The following KCNQ2 variants were observed in gnomAD, a reference collection of about 807,000 sequenced individuals.
The protein encoded by KCNQ2 is potassium voltage-gated channel subfamily KQT member 2.
In KCNQ2, 14 loss-of-function variants were observed where a neutral mutation model predicts 84.8. The ratio of observed to expected loss-of-function variants is 0.17; its 90% CI spans 0.11 to 0.26. The LOEUF is 0.26. Ranked by LOEUF, KCNQ2 falls within the 10% of genes least tolerant of loss-of-function variation. The pLI is 1.00. For missense variants in KCNQ2, 788 were observed against 1,254.0 expected (o/e 0.63, Z 5.61); for synonymous variants, 599 against 554.1 (o/e 1.08, Z -1.14).
Position 63,452,382 on chromosome 20 carries a change from T to C in KCNQ2, c.297-5545A>G, listed in dbSNP as rs148624011. 1.5e-3 allele frequency among the ~76,000 whole-genome samples: 233 copies of C among 152,326 alleles called. 1 individual carries two copies. Among genetic ancestry groups the C allele is most frequent in the African/African-American group, 5.3e-3 (220 of 41,564 alleles). On this transcript the variant is annotated intron_variant, in intron 1 of 16. Transcript: ENST00000359125. Reference sequence around the variant, plus strand: ...TTGCGGTCTTGAGGAAAATCCTTTTTCTTCCGGAAACCTCAGTCTTTGCTC... The same window carrying C: ...TTGCGGTCTTGAGGAAAATCCTTTTCCTTCCGGAAACCTCAGTCTTTGCTC...
At chr20:63,440,636 A>G (rs1439513689) in intron 5 of KCNQ2, among the ~76,000 whole-genome samples, 1 of 151,874 alleles carries the variant, frequency 6.6e-6, no homozygotes, top group Non-Finnish European at 1.5e-5. Context: ...GGAAGGGGAG[A>G]CCTCTCACCA....
chr20:63,471,748 TC>T (rs923172445), intron 1 of KCNQ2: 18 of 147,262 alleles, frequency 1.2e-4, no homozygotes, highest in African/African-American at 3.7e-4. Flanking sequence ...GCCAGACCCC[TC>T]CCCCCCGCCC....
intron 15 of KCNQ2, among the ~76,000 whole-genome samples, chr20:63,412,938 G>T (rs2080165570): frequency 6.6e-6 from 1 of 152,218 alleles, no homozygotes; most frequent in South Asian, 2.1e-4. Context: ...CCTATGCCAA[G>T]GAGGGCAGGT....
chr20:63,428,505 G>T, intron 9 of KCNQ2, 70 bp from the exon 10 acceptor site: 26 of 1,335,280 alleles, frequency 1.9e-5, no homozygotes, highest in Non-Finnish European at 2.7e-5. Flanking sequence ...CCCTCTGCTT[G>T]CACAGCTCCA....
rs1371044575 is a variant in KCNQ2 at position 63,425,105 on chromosome 20, T to C, written c.1218-899A>G. 6.6e-6 allele frequency among the ~76,000 whole-genome samples: 1 copy of C among 152,164 alleles called. No individual in the cohort carries two copies. Among genetic ancestry groups the C allele is most frequent in the South Asian group, 2.1e-4 (1 of 4,830 alleles). On this transcript the variant is annotated intron_variant, in intron 10 of 16. Transcript: ENST00000359125. The surrounding 1 kb of genome is among the most constrained non-coding windows in gnomAD (Gnocchi z 5.5). ...GTCTCTACACGACATTCTCTGTGTC[T>C]CTGTGTCTTCTCCTCCTCTACCTCT...
intron 8 of KCNQ2, among the ~76,000 whole-genome samples, chr20:63,432,790 T>A (rs1234715911): frequency 1.9e-3 from 136 of 72,952 alleles, no homozygotes; most frequent in Admixed American, 5.0e-3. Context: ...GGCCCCACCC[T>A]CAGGGAAGGC....
rs1039976239 is a variant in KCNQ2 at position 63,457,461 on chromosome 20, G to A, written c.297-10624C>T. 6.0e-4 allele frequency among the ~76,000 whole-genome samples: 92 copies of A among 152,210 alleles called. 1 individual carries two copies. Among genetic ancestry groups the A allele is most frequent in the African/African-American group, 1.9e-3 (80 of 41,448 alleles). On this transcript the variant is annotated intron_variant, in intron 1 of 16. Transcript: ENST00000359125. ...GCCCAGCTGCTAGCCTGATGCTCAC[G>A]GCCTCCAAACGGCCTGGGCCTGCCT...
chr20:63,432,422 CCCCACCCTCAGGGAAGGA>C (rs2080840656), intron 8 of KCNQ2, among the ~76,000 whole-genome samples: 1 of 144,134 alleles, frequency 6.9e-6, no homozygotes, highest in Admixed American at 6.9e-5. Context: ...TCAGGGAAGG[CCCCACCCTCAGGGAAGGA>C]TCCACCCACA....
rs749122254 is a variant in KCNQ2, at chr20:63,433,883, G to A, written c.1044C>T (p.Ala348=). The A allele has an allele frequency of 1.3e-5, 21 of 1,613,758 alleles. No homozygotes were observed. In the South Asian group the frequency reaches 2.0e-4, roughly 15 times the overall value. ...GLIQSAWRFY[A]TNLSRTDLHS... ...GCAGGTCTGTGCGCGAGAGGTTGGT[G>A]GCGTAGAATCTCCAGGCCGACTGCG... Residue 348 remains alanine, a synonymous_variant, in exon 8 of 17, where the codon GCC becomes GCT. Transcript: ENST00000359125.
intron 1 of KCNQ2, among the ~76,000 whole-genome samples, chr20:63,449,991 CA>C (rs1005369981): frequency 6.6e-6 from 1 of 152,108 alleles, no homozygotes; most frequent in African/African-American, 2.4e-5. Context: ...CCAGCACCCA[CA>C]CCCAGCACAC....
chr20:63,418,794 T>C (rs993570816), intron 12 of KCNQ2, among the ~76,000 whole-genome samples: 35 of 151,968 alleles, frequency 2.3e-4, no homozygotes, highest in Non-Finnish European at 4.1e-4. Context: ...AGGGAGAGGG[T>C]GGCATGGAGT....
At chr20:63,470,235 G>A (rs535942514) in intron 1 of KCNQ2, among the ~76,000 whole-genome samples, 15 of 145,138 alleles carry the variant, frequency 1.0e-4, no homozygotes, top group Non-Finnish European at 2.1e-4. Context: ...GAGAGCCTGG[G>A]AGCTCAGGGA....
chr20:63,443,234 C>T (rs1432737585), intron 4 of KCNQ2, among the ~76,000 whole-genome samples: 2 of 89,290 alleles, frequency 2.2e-5, no homozygotes, highest in African/African-American at 9.3e-5. Flanking sequence ...CCACCATCAC[C>T]ATCACCACCA....
At chr20:63,432,577 G>A (rs1397780127) in intron 8 of KCNQ2, among the ~76,000 whole-genome samples, 1 of 138,852 alleles carries the variant, frequency 7.2e-6, no homozygotes, top group African/African-American at 2.8e-5. Flanking sequence ...TCCACCCTCA[G>A]GGAAGGATCC....
At chr20:63,457,265 C>T (rs930535708) in intron 1 of KCNQ2, among the ~76,000 whole-genome samples, 4 of 152,354 alleles carry the variant, frequency 2.6e-5, no homozygotes, top group Non-Finnish European at 5.9e-5. Context: ...GTGGCTTGTA[C>T]CTGCCAGGCC....
In KCNQ2 at chr20:63,407,404, C is replaced by G; in HGVS notation, c.1888-29G>C. On this transcript the variant is annotated intron_variant, in intron 16 of 16. Transcript: ENST00000359125. The surrounding 1 kb of genome is among the most constrained non-coding windows in gnomAD (Gnocchi z 7.2). ...CAAAAGGGGCTGCTGGGCTGGGGTG[C>G]GAGGGCCCGTCCCAGGAGATGTGGG... The G allele has an allele frequency of 6.3e-7, 1 of 1,576,260 alleles. No homozygotes were observed.
At chr20:63,432,482 C>T (rs2080844418) in intron 8 of KCNQ2, among the ~76,000 whole-genome samples, 1 of 146,516 alleles carries the variant, frequency 6.8e-6, no homozygotes, top group Admixed American at 6.7e-5. Flanking sequence ...AAGGCTCCAC[C>T]CTCTGGGAAG....
At chr20:63,452,627 G>A (rs2081647507) in intron 1 of KCNQ2, among the ~76,000 whole-genome samples, 1 of 152,264 alleles carries the variant, frequency 6.6e-6, no homozygotes, top group South Asian at 2.1e-4. Flanking sequence ...AGGGGCCTCG[G>A]CCAGAGGCCT....
rs2079902793 is a variant in KCNQ2, at chr20:63,405,267, A to C, written c.*1377T>G. 1 of 152,114 alleles carries C rather than the reference A, an allele frequency of 6.6e-6. No homozygotes were observed. The highest frequency in any genetic ancestry group is 6.5e-5 in the Admixed American group (1 of 15,272). 9.4% of individuals were successfully genotyped at this position (152,114 alleles called of 1,614,324 possible). A position where few individuals can be genotyped will look rare whatever the true frequency, so the allele number is the denominator to read the frequency against. On this transcript the variant is annotated 3_prime_UTR_variant, in exon 17 of 17. Coordinates refer to ENST00000359125, the MANE Select transcript of KCNQ2 (RefSeq NM_172107.4). ...AGGGAGGCCACTCTCCAGGGAGCCC[A>C]GGCCCGCCTGCGACGCCGTCACGCC... is the stretch of plus-strand genomic sequence containing the variant.
Sources: gnomAD v4.1 joint callset for allele counts (sites outside exome capture counted in the v4.1 genomes callset) on GRCh38, gnomAD v4.1.1 for gene constraint, Gnocchi (gnomAD v3.1) non-coding constraint, MANE v1.5 for transcripts, NCBI Gene and HGNC (gene_info 2026-07-23, HGNC 2026-07-21) for gene names.